The following SYN3 variants were observed in gnomAD, a reference collection of about 807,000 sequenced individuals.
The protein encoded by SYN3 is synapsin III, also known as synapsin-3.
SYN3 carries 35 observed loss-of-function variants against 65.8 expected under a neutral mutation model. The ratio of observed to expected loss-of-function variants is 0.53; its 90% CI spans 0.41 to 0.70. SYN3 has a LOEUF of 0.70. Among genes scored for constraint, SYN3 ranks in the 30% least tolerant of loss-of-function variants. SYN3 has a pLI of 0.00. For synonymous variants in SYN3, 270 were observed against 292.9 expected (o/e 0.92, Z 0.80); for missense variants, 680 against 749.0 (o/e 0.91, Z 1.08).
intron 4 of SYN3, among the ~76,000 whole-genome samples, chr22:32,874,897 G>A (rs2048943676): frequency 6.6e-6 from 1 of 152,114 alleles, no homozygotes; most frequent in Non-Finnish European, 1.5e-5. Flanking sequence ...TGGGGGAAGG[G>A]GACAAAGGGA....
At chr22:32,935,147 A>C (rs944244970) in intron 3 of SYN3, among the ~76,000 whole-genome samples, 3 of 152,218 alleles carry the variant, frequency 2.0e-5, no homozygotes, top group Non-Finnish European at 4.4e-5. Flanking sequence ...AACTTTGGGA[A>C]TTGAATGCAA....
chr22:33,049,397 T>A (rs1477035042), intron 1 of SYN3, among the ~76,000 whole-genome samples: 4 of 152,200 alleles, frequency 2.6e-5, no homozygotes, highest in Non-Finnish European at 4.4e-5. Flanking sequence ...TGCAGCTAGC[T>A]TTGCCCTCCA....
intron 1 of SYN3, among the ~76,000 whole-genome samples, chr22:33,031,564 C>T (rs2053755971): frequency 6.6e-6 from 1 of 152,048 alleles, no homozygotes; most frequent in Admixed American, 6.6e-5. Flanking sequence ...GCAGCTGCCC[C>T]CTTCTAATCC....
intron 7 of SYN3, among the ~76,000 whole-genome samples, chr22:32,557,574 A>G (rs2146334283): frequency 6.6e-6 from 1 of 152,342 alleles, no homozygotes; most frequent in South Asian, 2.1e-4. Flanking sequence ...TCTGGCCATG[A>G]CGTATCCAGA....
At chr22:32,556,213 G>GA (rs1467468656) in intron 7 of SYN3, among the ~76,000 whole-genome samples, 2 of 152,080 alleles carry the variant, frequency 1.3e-5, no homozygotes, top group Admixed American at 1.3e-4. Context: ...GTAACCATTT[G>GA]AAAAAAAGTA....
intron 6 of SYN3, among the ~76,000 whole-genome samples, chr22:32,817,412 G>C (rs1258861624): frequency 6.6e-6 from 1 of 152,142 alleles, no homozygotes; most frequent in Non-Finnish European, 1.5e-5. Flanking sequence ...AAATGCAGTT[G>C]GTGAGACACT....
chr22:32,550,700 C>CAAAAAAA (rs135481), intron 7 of SYN3, among the ~76,000 whole-genome samples: 1 of 148,290 alleles, frequency 6.7e-6, no homozygotes. Context: ...CTAGAAATGG[C>CAAAAAAA]AAAAAAAAAA....
At chr22:32,530,683 G>A (rs749420002) in intron 10 of SYN3, among the ~76,000 whole-genome samples, 39 of 151,484 alleles carry the variant, frequency 2.6e-4, no homozygotes, top group Middle Eastern at 6.8e-3. Flanking sequence ...CACCCACTTT[G>A]ATTAGGAAAC....
At chr22:32,802,204 C>A (rs2046607301) in intron 6 of SYN3, 2 of 1,509,142 alleles carry the variant, frequency 1.3e-6, no homozygotes, top group African/African-American at 1.4e-5. Flanking sequence ...GCGAGCCCCA[C>A]TCCTTTCCTC....
chr22:32,743,073 T>C (rs768532439), intron 6 of SYN3, among the ~76,000 whole-genome samples: 2 of 152,218 alleles, frequency 1.3e-5, no homozygotes, highest in Non-Finnish European at 2.9e-5. Flanking sequence ...CTTGAAGTAA[T>C]TGAAGACTGC....
intron 6 of SYN3, among the ~76,000 whole-genome samples, chr22:32,830,660 A>ACC (rs149734784): frequency 2.2e-4 from 33 of 151,148 alleles, no homozygotes; most frequent in African/African-American, 8.0e-4. Context: ...CCACAGGGCC[A>ACC]CCCCCCCGCC....
chr22:32,586,125 T>TACATGTATATGTATATATGTAC (rs2059037982), intron 7 of SYN3, among the ~76,000 whole-genome samples: 1 of 150,084 alleles, frequency 6.7e-6, no homozygotes, highest in African/African-American at 2.5e-5. Flanking sequence ...TATATATGTA[T>TACATGTATATGTATATATGTAC]ATGTATGTAT....
intron 6 of SYN3, among the ~76,000 whole-genome samples, chr22:32,731,859 A>G (rs1203675799): frequency 1.3e-5 from 2 of 152,222 alleles, no homozygotes; most frequent in Admixed American, 1.3e-4. Context: ...CTCTGAAAGC[A>G]GGCCACCTAC....
chr22:32,586,124 A>G (rs1405712584), intron 7 of SYN3, among the ~76,000 whole-genome samples: 2 of 150,684 alleles, frequency 1.3e-5, no homozygotes, highest in Non-Finnish European at 3.0e-5. Context: ...GTATATATGT[A>G]TATGTATGTA....
chr22:32,980,413 T>C (rs1299319624), intron 3 of SYN3, among the ~76,000 whole-genome samples: 3 of 152,154 alleles, frequency 2.0e-5, no homozygotes, highest in African/African-American at 7.2e-5. Context: ...TAGAATGAGT[T>C]CCTATTTGAC....
intron 6 of SYN3, among the ~76,000 whole-genome samples, chr22:32,645,982 G>A (rs1206251405): frequency 6.6e-6 from 1 of 152,136 alleles, no homozygotes; most frequent in African/African-American, 2.4e-5. Context: ...AGGAGATTCA[G>A]GCAAGGAGGG....
chr22:32,559,528 A>C (rs192837951), intron 7 of SYN3, among the ~76,000 whole-genome samples: 1 of 152,298 alleles, frequency 6.6e-6, no homozygotes, highest in Admixed American at 6.5e-5. Flanking sequence ...GCAGTCTCCT[A>C]ATGGATAGAA....
At chr22:32,827,513 T>A (rs1390826623) in intron 6 of SYN3, among the ~76,000 whole-genome samples, 3 of 152,212 alleles carry the variant, frequency 2.0e-5, no homozygotes, top group Non-Finnish European at 4.4e-5. Context: ...TTTCTAGGTG[T>A]CAGCATGAAT....
intron 6 of SYN3, among the ~76,000 whole-genome samples, chr22:32,742,198 C>T (rs1237640355): frequency 1.3e-5 from 2 of 152,158 alleles, no homozygotes; most frequent in Admixed American, 6.5e-5. Flanking sequence ...ATGGCCTGAA[C>T]CCGGGAAGCG....
Sources: gnomAD v4.1 joint callset for allele counts (sites outside exome capture counted in the v4.1 genomes callset) on GRCh38, gnomAD v4.1.1 for gene constraint, MANE v1.5 for transcripts, NCBI Gene and HGNC (gene_info 2026-07-23, HGNC 2026-07-21) for gene names.